Variants in TMEM132D observed in about 807,000 individuals in gnomAD.
TMEM132D encodes transmembrane protein 132D, also known as mature OL transmembrane protein.
TMEM132D carries 21 observed loss-of-function variants against 62.3 expected under a neutral mutation model. The observed-to-expected ratio is 0.34, with a 90% CI of 0.24 to 0.49. The LOEUF (loss-of-function observed/expected upper bound fraction) is 0.49. Among genes scored for constraint, TMEM132D ranks in the 20% least tolerant of loss-of-function variants. The probability of loss-of-function intolerance (pLI) is 0.99; values close to 1 mark genes in which losing one functional copy is unlikely to be tolerated. For synonymous variants in TMEM132D, 621 were observed against 575.6 expected (o/e 1.08, Z -1.13); for missense variants, 1,346 against 1,402.8 (o/e 0.96, Z 0.65).
At chr12:129,734,682 G>T (rs1869362592) in intron 1 of TMEM132D, among the ~76,000 whole-genome samples, 1 of 152,062 alleles carries the variant, frequency 6.6e-6, no homozygotes. Context: ...TGGAAAGTTT[G>T]TTTAATTAAT....
At chr12:129,858,896 G>A (rs1308316543) in intron 1 of TMEM132D, among the ~76,000 whole-genome samples, 1 of 130,366 alleles carries the variant, frequency 7.7e-6, no homozygotes, top group Non-Finnish European at 1.7e-5. Context: ...CCTTATAACA[G>A]AGTCCGGGGG....
intron 3 of TMEM132D, among the ~76,000 whole-genome samples, chr12:129,402,556 G>A (rs890446800): frequency 1.2e-4 from 18 of 152,100 alleles, no homozygotes; most frequent in African/African-American, 4.3e-4. Context: ...TTTGGTACAA[G>A]GACAGGCACC....
At chr12:129,101,092 G>A (rs377696829) in intron 5 of TMEM132D, among the ~76,000 whole-genome samples, 6 of 152,104 alleles carry the variant, frequency 3.9e-5, no homozygotes, top group East Asian at 1.9e-4. Context: ...CGGCGGCAGA[G>A]ATTGAAGCTC....
chr12:129,455,008 C>T (rs990671947), intron 3 of TMEM132D, among the ~76,000 whole-genome samples: 2 of 152,196 alleles, frequency 1.3e-5, no homozygotes, highest in East Asian at 1.9e-4. Flanking sequence ...GGTTCAGCCC[C>T]GTCTCTCAGG....
rs2135605471 is a variant in TMEM132D at position 129,074,978 on chromosome 12, A to G, written c.2197T>C (p.Leu733=). ...TTCTCATCCAAAGATGTGGCCATCA[A>G]GGAGAAGTCTTTCCCATCGTAAATA... ...LDIYDGKDFS[L]MATSLDEKVV... is the part of the protein sequence containing the mutation. The change falls in exon 9 of 9, where the codon TTG becomes CTG. Residue 733 remains leucine (L), a synonymous_variant. Coordinates refer to ENST00000422113, the MANE Select transcript of TMEM132D (RefSeq NM_133448.3). The G allele has an allele frequency of 6.2e-7, 1 of 1,614,050 alleles. No homozygotes were observed. Among genetic ancestry groups the G allele is most frequent in the African/African-American group, 1.3e-5 (1 of 75,012 alleles).
At chr12:129,824,281 T>A (rs952562518) in intron 1 of TMEM132D, among the ~76,000 whole-genome samples, 1 of 152,216 alleles carries the variant, frequency 6.6e-6, no homozygotes, top group African/African-American at 2.4e-5. Context: ...GCAGGCTCCA[T>A]CATCAACATT....
intron 3 of TMEM132D, among the ~76,000 whole-genome samples, chr12:129,459,105 G>T (rs1016101231): frequency 6.6e-6 from 1 of 152,096 alleles, no homozygotes; most frequent in Non-Finnish European, 1.5e-5. Context: ...CCTCCCTGAA[G>T]GTCTCTGTGA....
At chr12:129,206,913 C>T (rs1384754578) in intron 5 of TMEM132D, among the ~76,000 whole-genome samples, 1 of 152,036 alleles carries the variant, frequency 6.6e-6, no homozygotes, top group Non-Finnish European at 1.5e-5. Flanking sequence ...CACATGGATA[C>T]TAGGAGGAGA....
Position 129,073,833 on chromosome 12 carries a change from G to A in TMEM132D, c.*42C>T. On this transcript the variant is annotated 3_prime_UTR_variant, in exon 9 of 9. Coordinates refer to ENST00000422113, the MANE Select transcript of TMEM132D (RefSeq NM_133448.3). ...CGTTGCTACACATCCTGGAATTAAA[G>A]GCTGAAAGGTGAGTGAGAACCAATG... The A allele has an allele frequency of 2.0e-6, 3 of 1,485,232 alleles. No individual in the cohort carries two copies. The highest frequency in any genetic ancestry group is 2.7e-6 in the Non-Finnish European group (3 of 1,106,684). The allele number at this position is 1,485,232 out of a possible 1,614,324, so 92.0% of individuals were successfully genotyped here.
intron 3 of TMEM132D, among the ~76,000 whole-genome samples, chr12:129,516,339 A>G (rs1193016272): frequency 1.3e-5 from 2 of 152,212 alleles, no homozygotes; most frequent in Non-Finnish European, 2.9e-5. Context: ...TCCACCATGT[A>G]TTAGTCTGTT....
chr12:129,627,689 T>A lies in TMEM132D; in HGVS notation c.968+72121A>T, dbSNP rs576533888. On this transcript the variant is annotated intron_variant, in intron 2 of 8. Transcript: ENST00000422113. ...ATAAGAAAATAAGAAAAATAAAATT[T>A]AAAAATAATAATTTAGACCAGGCAT... 2.9e-4 allele frequency among the ~76,000 whole-genome samples: 44 copies of A among 152,216 alleles called. 1 individual carries two copies. The East Asian group carries it at 8.1e-3, about 28-fold the overall frequency.
intron 2 of TMEM132D, among the ~76,000 whole-genome samples, chr12:129,683,856 T>C (rs1159824288): frequency 1.3e-5 from 2 of 152,192 alleles, no homozygotes; most frequent in Non-Finnish European, 2.9e-5. Flanking sequence ...CATATTAGTA[T>C]TCTACTGGAT....
At chr12:129,481,385 C>A (rs915293285) in intron 3 of TMEM132D, among the ~76,000 whole-genome samples, 1 of 150,836 alleles carries the variant, frequency 6.6e-6, no homozygotes, top group South Asian at 2.1e-4. Context: ...ATCACTTGAG[C>A]CTGGGAGGTT....
chr12:129,114,528 T>C (rs962608111), intron 5 of TMEM132D, among the ~76,000 whole-genome samples: 4 of 152,062 alleles, frequency 2.6e-5, no homozygotes, highest in African/African-American at 9.7e-5. Flanking sequence ...CTTATTTAAC[T>C]TTTTATCGCA....
chr12:129,239,772 G>C (rs927823524), intron 4 of TMEM132D, among the ~76,000 whole-genome samples: 3 of 152,222 alleles, frequency 2.0e-5, no homozygotes, highest in African/African-American at 7.2e-5. Flanking sequence ...AGGAGACAGA[G>C]CATGGTTCTG....
intron 3 of TMEM132D, among the ~76,000 whole-genome samples, chr12:129,503,034 G>A (rs139766448): frequency 1.6e-3 from 239 of 152,304 alleles, no homozygotes; most frequent in African/African-American, 5.4e-3. Context: ...CACAATAGGT[G>A]TCCAATAAAT....
At chr12:129,420,665 C>T (rs148580316) in intron 3 of TMEM132D, among the ~76,000 whole-genome samples, 44 of 152,252 alleles carry the variant, frequency 2.9e-4, no homozygotes, top group African/African-American at 9.9e-4. Context: ...GGAGCCCAAC[C>T]AACGCTCAGC....
At chr12:129,682,691 C>G (rs12368088) in intron 2 of TMEM132D, among the ~76,000 whole-genome samples, 13,999 of 151,680 alleles carry the variant, frequency 0.092, 818 homozygotes, top group Non-Finnish European at 0.13. Flanking sequence ...AATCCTGTCT[C>G]TACTAAAAAT....
At chr12:129,221,065 C>T (rs1879333124) in intron 4 of TMEM132D, among the ~76,000 whole-genome samples, 1 of 152,152 alleles carries the variant, frequency 6.6e-6, no homozygotes, top group Non-Finnish European at 1.5e-5. Context: ...TCATATTTTC[C>T]AGGTCCTTAC....
Sources: gnomAD v4.1 joint callset for allele counts (sites outside exome capture counted in the v4.1 genomes callset) on GRCh38, gnomAD v4.1.1 for gene constraint, MANE v1.5 for transcripts, NCBI Gene and HGNC (gene_info 2026-07-23, HGNC 2026-07-21) for gene names.